Variants in NBAS observed in about 807,000 individuals in gnomAD.
NBAS encodes the protein NBAS subunit of NRZ tethering complex, also known as NAG/BC035112 fusion.
NBAS carries 219 observed loss-of-function variants against 302.5 expected under a neutral mutation model. That is an observed-to-expected ratio of 0.72 (90% CI 0.65 to 0.81). NBAS has a LOEUF of 0.81. Among genes scored for constraint, NBAS ranks in the 30% least tolerant of loss-of-function variants. The pLI, the probability that NBAS is intolerant of heterozygous loss-of-function variation, is 0.00. For synonymous variants in NBAS, 1,118 were observed against 1,021.6 expected (o/e 1.09, Z -1.80); for missense variants, 2,932 against 2,841.6 (o/e 1.03, Z -0.72).
At chr2:15,349,585 C>T (rs886399453) in intron 35 of NBAS, among the ~76,000 whole-genome samples, 1 of 152,164 alleles carries the variant, frequency 6.6e-6, no homozygotes, top group Non-Finnish European at 1.5e-5. Context: ...AATGGTGCAT[C>T]TTCTAGACCT....
the NBAS span, among the ~76,000 whole-genome samples, chr2:14,976,466 G>C: frequency 6.6e-6 from 1 of 152,146 alleles, no homozygotes; most frequent in South Asian, 2.1e-4. Flanking sequence ...AAAGTAGATG[G>C]AGCTCATTGA....
chr2:15,142,408 A>G, the NBAS span, among the ~76,000 whole-genome samples: 1 of 152,184 alleles, frequency 6.6e-6, no homozygotes, highest in Non-Finnish European at 1.5e-5. Context: ...TGCTTCCCCA[A>G]CAAAACCAAA....
At chr2:15,005,256 C>CTG in the NBAS span, among the ~76,000 whole-genome samples, 1 of 152,176 alleles carries the variant, frequency 6.6e-6, no homozygotes, top group Non-Finnish European at 1.5e-5. Context: ...ATAACTGAAA[C>CTG]TGTACACCTG....
At chr2:15,301,536 C>CT (rs947758545) in intron 40 of NBAS, among the ~76,000 whole-genome samples, 15 of 152,306 alleles carry the variant, frequency 9.8e-5, no homozygotes, top group African/African-American at 3.4e-4. Flanking sequence ...AACTGGTGTC[C>CT]TCCAATTCAA....
intron 6 of NBAS, among the ~76,000 whole-genome samples, chr2:15,543,976 G>A (rs1054406123): frequency 1.3e-5 from 2 of 152,116 alleles, no homozygotes; most frequent in African/African-American, 4.8e-5. Flanking sequence ...TTCTCAAGGA[G>A]CAGACTTCAA....
chr2:14,792,920 C>T, the NBAS span, among the ~76,000 whole-genome samples: 1 of 151,994 alleles, frequency 6.6e-6, no homozygotes, highest in East Asian at 1.9e-4. Context: ...AGTCCTAACC[C>T]CCAATGTGAC....
the NBAS span, among the ~76,000 whole-genome samples, chr2:15,003,094 C>T: frequency 6.6e-6 from 1 of 152,224 alleles, no homozygotes; most frequent in African/African-American, 2.4e-5. Context: ...ACACTGTCAC[C>T]TCTCAGTATC....
chr2:14,902,224 C>T, the NBAS span, among the ~76,000 whole-genome samples: 2 of 152,144 alleles, frequency 1.3e-5, no homozygotes, highest in East Asian at 1.9e-4. Flanking sequence ...CTCTGCCTCC[C>T]GGGTTCAAGT....
At chr2:15,147,663 T>C in the NBAS span, among the ~76,000 whole-genome samples, 4 of 152,098 alleles carry the variant, frequency 2.6e-5, no homozygotes, top group African/African-American at 4.8e-5. Context: ...TTGTAGCTAA[T>C]TGATTCCTTG....
At chr2:15,453,045 A>T (rs1471931208) in intron 21 of NBAS, among the ~76,000 whole-genome samples, 14 of 151,916 alleles carry the variant, frequency 9.2e-5, no homozygotes, top group Non-Finnish European at 7.4e-5. Flanking sequence ...AGGGTGAGTG[A>T]CCCTCCAGAA....
At chr2:14,834,149 G>A in the NBAS span, among the ~76,000 whole-genome samples, 1 of 152,178 alleles carries the variant, frequency 6.6e-6, no homozygotes, top group East Asian at 1.9e-4. Flanking sequence ...GTCATGTATT[G>A]AATAAAAATA....
chr2:14,862,651 T>G, the NBAS span, among the ~76,000 whole-genome samples: 1 of 152,310 alleles, frequency 6.6e-6, no homozygotes, highest in East Asian at 1.9e-4. Context: ...AGATAGCACA[T>G]GTAAAATCGC....
chr2:15,316,236 G>A (rs1281463388), intron 38 of NBAS, among the ~76,000 whole-genome samples: 1 of 152,138 alleles, frequency 6.6e-6, no homozygotes, highest in African/African-American at 2.4e-5. Flanking sequence ...GGAAATCTAT[G>A]CTTAACTCTC....
At chr2:14,904,615 CA>C in the NBAS span, among the ~76,000 whole-genome samples, 1 of 91,430 alleles carries the variant, frequency 1.1e-5, no homozygotes, top group South Asian at 2.9e-4. Context: ...AGCTGTGACT[CA>C]GTATGATAGG....
the NBAS span, among the ~76,000 whole-genome samples, chr2:14,841,032 T>C: frequency 2.0e-5 from 3 of 151,880 alleles, no homozygotes; most frequent in South Asian, 6.2e-4. Flanking sequence ...AAAGTAAAAA[T>C]GTAGGGGGAT....
chr2:15,374,604 T>C lies in NBAS; in HGVS notation c.3703+4A>G. 5 of 1,608,720 alleles carry C rather than the reference T, an allele frequency of 3.1e-6. No individual in the cohort carries two copies. Among genetic ancestry groups the C allele is most frequent in the Non-Finnish European group, 4.3e-6 (5 of 1,175,184 alleles). On this transcript the variant is annotated splice_donor_region_variant and intron_variant, in intron 31 of 51. Transcript: ENST00000281513. ...AACAATGCAACAGTAAGTAGAAAAC[T>C]CACCTTGCAAAGGCAGGATCTTTAC...
At chr2:15,432,469 C>A (rs1354091148) in intron 21 of NBAS, among the ~76,000 whole-genome samples, 2 of 151,938 alleles carry the variant, frequency 1.3e-5, no homozygotes, top group African/African-American at 4.8e-5. Context: ...ATAACAAGTT[C>A]TATTATATCC....
intron 9 of NBAS, among the ~76,000 whole-genome samples, chr2:15,522,125 T>C (rs1365146772): frequency 6.6e-6 from 1 of 152,192 alleles, no homozygotes; most frequent in Non-Finnish European, 1.5e-5. Flanking sequence ...GATTTTTAAG[T>C]AGAGAAGTAA....
At chr2:14,858,508 T>C in the NBAS span, among the ~76,000 whole-genome samples, 2 of 152,170 alleles carry the variant, frequency 1.3e-5, no homozygotes, top group East Asian at 3.9e-4. Context: ...GTCACTTTTA[T>C]GTCTCTTGAA....
Sources: gnomAD v4.1 joint callset for allele counts (sites outside exome capture counted in the v4.1 genomes callset) on GRCh38, gnomAD v4.1.1 for gene constraint, MANE v1.5 for transcripts, NCBI Gene and HGNC (gene_info 2026-07-23, HGNC 2026-07-21) for gene names.